The following NCOA1 variants were observed in gnomAD, a reference collection of about 807,000 sequenced individuals.
NCOA1 encodes the protein Hin-2 protein.
NCOA1 carries 35 observed loss-of-function variants against 150.9 expected under a neutral mutation model. The ratio of observed to expected loss-of-function variants is 0.23; its 90% confidence interval spans 0.18 to 0.31. NCOA1 has a LOEUF of 0.31. NCOA1 is among the 10% of genes least tolerant of loss of function. The pLI, the probability that NCOA1 is intolerant of heterozygous loss-of-function variation, is 1.00. For missense variants in NCOA1, 1,491 were observed against 1,749.3 expected (o/e 0.85, Z 2.63); for synonymous variants, 590 against 630.0 (o/e 0.94, Z 0.95).
intron 5 of NCOA1, among the ~76,000 whole-genome samples, chr2:24,663,626 G>A (rs759942753): frequency 1.9e-4 from 29 of 152,154 alleles, no homozygotes; most frequent in Non-Finnish European, 3.1e-4. Context: ...TAGTTGACCC[G>A]GAGTAATAAA....
chr2:24,573,662 A>C (rs1666829787), intron 2 of NCOA1, among the ~76,000 whole-genome samples: 1 of 152,130 alleles, frequency 6.6e-6, no homozygotes, highest in South Asian at 2.1e-4. Flanking sequence ...TCAATTTTAG[A>C]TTAAACCACA....
chr2:24,491,705 C>G (rs1662966916), intron 1 of NCOA1, among the ~76,000 whole-genome samples, 103 bp downstream of exon 1: 1 of 151,034 alleles, frequency 6.6e-6, no homozygotes, highest in African/African-American at 2.4e-5. Context: ...GGCGCCCCTC[C>G]GCCCCCTGCT....
At chr2:24,585,461 CT>C (rs912279362) in intron 3 of NCOA1, among the ~76,000 whole-genome samples, 3 of 151,730 alleles carry the variant, frequency 2.0e-5, no homozygotes, top group Non-Finnish European at 4.4e-5. Context: ...TTTCCAAATG[CT>C]TCATACATCT....
chr2:24,496,298 A>G (rs1178618244), intron 1 of NCOA1, among the ~76,000 whole-genome samples: 3 of 152,210 alleles, frequency 2.0e-5, no homozygotes, highest in African/African-American at 7.2e-5. Context: ...ATTTAAACTG[A>G]TTCTTTCATT....
intron 2 of NCOA1, among the ~76,000 whole-genome samples, chr2:24,576,188 T>TTTTTTTTTTTG (rs1558806701): frequency 1.0e-5 from 1 of 97,360 alleles, no homozygotes; most frequent in African/African-American, 3.3e-5. Context: ...TTTTTTTTTT[T>TTTTTTTTTTTG]TTTGTTTGCT....
intron 4 of NCOA1, among the ~76,000 whole-genome samples, chr2:24,657,026 GT>G (rs1382731432): frequency 6.6e-6 from 1 of 152,082 alleles, no homozygotes; most frequent in Non-Finnish European, 1.5e-5. Context: ...TCTATTTTTA[GT>G]TTTTTGAAGA....
rs550053215 is a variant in NCOA1 at position 24,559,970 on chromosome 2, T to C, written c.-395-4325T>C. Among the ~76,000 whole-genome samples the C allele has an allele frequency of 4.6e-5, 7 of 152,282 alleles. No homozygotes were observed. The East Asian group carries it at 1.4e-3, about 29-fold the overall frequency. ...GTTCTTCTCCTAGTGGCTTGAGGCT[T>C]TTTTTCTGTGTTGGAGAACAGTTGG... On this transcript the variant is annotated intron_variant, in intron 1 of 22. Transcript: ENST00000348332.
chr2:24,491,639 G>A (rs1360505575), intron 1 of NCOA1, among the ~76,000 whole-genome samples, 37 bp downstream of exon 1: 1 of 150,532 alleles, frequency 6.6e-6, no homozygotes, highest in Non-Finnish European at 1.5e-5. Flanking sequence ...CCTCCCGGTG[G>A]GTGCAGCTGT....
At chr2:24,532,872 A>G (rs1235291836) in intron 1 of NCOA1, among the ~76,000 whole-genome samples, 1 of 152,134 alleles carries the variant, frequency 6.6e-6, no homozygotes, top group Non-Finnish European at 1.5e-5. Context: ...AGTATAGTTG[A>G]AGTCAGGTAG....
At chr2:24,655,815 A>G (rs936003685) in intron 4 of NCOA1, among the ~76,000 whole-genome samples, 4 of 152,206 alleles carry the variant, frequency 2.6e-5, no homozygotes, top group African/African-American at 9.6e-5. Flanking sequence ...ATGGCCGGGC[A>G]TGGTGGCTCA....
intron 1 of NCOA1, among the ~76,000 whole-genome samples, chr2:24,517,004 G>GTA (rs1425804870): frequency 1.2e-5 from 1 of 83,894 alleles, no homozygotes; most frequent in African/African-American, 4.0e-5. Context: ...ACACACGCGC[G>GTA]CACACACACA....
chr2:24,660,508 C>A (rs891510229), intron 5 of NCOA1, among the ~76,000 whole-genome samples: 13 of 151,810 alleles, frequency 8.6e-5, no homozygotes, highest in African/African-American at 3.1e-4. Context: ...TAGAATATTA[C>A]ATTTACATAA....
intron 6 of NCOA1, among the ~76,000 whole-genome samples, chr2:24,672,111 G>A (rs557577820): frequency 2.2e-4 from 32 of 143,696 alleles, no homozygotes; most frequent in Non-Finnish European, 4.2e-4. Flanking sequence ...CAATAACATT[G>A]TTTATATATA....
chr2:24,496,754 G>A (rs1359402764), intron 1 of NCOA1, among the ~76,000 whole-genome samples: 1 of 152,134 alleles, frequency 6.6e-6, no homozygotes, highest in Non-Finnish European at 1.5e-5. Context: ...CCATGCAGAT[G>A]TAGTTGGGAA....
chr2:24,589,713 G>A (rs753756569), intron 3 of NCOA1, among the ~76,000 whole-genome samples: 5 of 151,952 alleles, frequency 3.3e-5, no homozygotes, highest in Admixed American at 2.6e-4. Flanking sequence ...TGTCAGGGAA[G>A]TTCCTGGAAG....
At chr2:24,517,123 A>G in intron 1 of NCOA1, among the ~76,000 whole-genome samples, 1 of 151,136 alleles carries the variant, frequency 6.6e-6, no homozygotes, top group Non-Finnish European at 1.5e-5. Flanking sequence ...TCTAGGCCCC[A>G]TGTTTTCCTA....
At position 24,607,494 on chromosome 2, in the gene NCOA1, C is replaced by A. The variant is rs577546258; in HGVS notation, c.-175+22934C>A. Among the ~76,000 whole-genome samples the A allele has an allele frequency of 2.0e-5, 3 of 152,238 alleles. No individual in the cohort carries two copies. In the East Asian group the frequency reaches 5.8e-4, roughly 29 times the overall value. Reference sequence around the variant, plus strand: ...CATGAGGTCAGGAGATCAAGACCATCCTGGCTAACACGGGGAAACCCCATC... The same window carrying A: ...CATGAGGTCAGGAGATCAAGACCATACTGGCTAACACGGGGAAACCCCATC... On this transcript the variant is annotated intron_variant, in intron 3 of 22. Transcript: ENST00000348332.
chr2:24,512,687 T>C (rs1239165887), intron 1 of NCOA1, among the ~76,000 whole-genome samples: 3 of 152,214 alleles, frequency 2.0e-5, no homozygotes, highest in Non-Finnish European at 4.4e-5. Context: ...AATTAAGCTG[T>C]TAATGGAAGC....
At chr2:24,746,435 G>A (rs374269481) in intron 19 of NCOA1, among the ~76,000 whole-genome samples, 3 of 152,190 alleles carry the variant, frequency 2.0e-5, no homozygotes, top group East Asian at 1.9e-4. Flanking sequence ...CCAGCTACTC[G>A]GGAGGCTGAG....
Sources: gnomAD v4.1 joint callset for allele counts (sites outside exome capture counted in the v4.1 genomes callset) on GRCh38, gnomAD v4.1.1 for gene constraint, MANE v1.5 for transcripts, NCBI Gene and HGNC (gene_info 2026-07-23, HGNC 2026-07-21) for gene names.